NECAB1: variants seen among roughly 807,000 people sequenced by gnomAD.
The protein encoded by NECAB1 is N-terminal EF-hand calcium binding protein 1.
NECAB1 carries 29 observed loss-of-function variants against 57.5 expected under a neutral mutation model. That is an observed-to-expected ratio of 0.50 (90% CI 0.38 to 0.69). The LOEUF (loss-of-function observed/expected upper bound fraction) is 0.69. Ranked by LOEUF, NECAB1 falls within the 30% of genes least tolerant of loss-of-function variation. NECAB1 has a pLI of 0.00. For synonymous variants in NECAB1, 142 were observed against 147.7 expected (o/e 0.96, Z 0.28); for missense variants, 372 against 413.8 (o/e 0.90, Z 0.88).
chr8:90,858,205 T>G (rs953312179), intron 3 of NECAB1, among the ~76,000 whole-genome samples: 1 of 152,190 alleles, frequency 6.6e-6, no homozygotes, highest in African/African-American at 2.4e-5. Flanking sequence ...ATATGAGCAC[T>G]GAGAATGTGA....
At chr8:90,829,558 AG>A (rs1356804244) in intron 3 of NECAB1, among the ~76,000 whole-genome samples, 2 of 152,036 alleles carry the variant, frequency 1.3e-5, no homozygotes, top group Admixed American at 1.3e-4. Flanking sequence ...CATACAGAAA[AG>A]CATCCCAGGG....
intron 5 of NECAB1, among the ~76,000 whole-genome samples, chr8:90,908,462 C>A (rs1586113494): frequency 6.6e-6 from 1 of 152,032 alleles, no homozygotes; most frequent in Admixed American, 6.6e-5. Flanking sequence ...GAGAAGATGG[C>A]ATATAAGAGG....
intron 2 of NECAB1, among the ~76,000 whole-genome samples, chr8:90,816,455 T>G (rs759807342): frequency 6.1e-4 from 93 of 152,004 alleles, no homozygotes; most frequent in Non-Finnish European, 1.1e-3. Flanking sequence ...TAATTTTTAA[T>G]TTTAAATGTA....
In NECAB1 at chr8:90,959,109, G is replaced by C. The variant is rs1054926139; in HGVS notation, c.*3597G>C. On this transcript the variant is annotated 3_prime_UTR_variant, in exon 13 of 13. Coordinates refer to ENST00000417640, the MANE Select transcript of NECAB1 (RefSeq NM_022351.5). Reference sequence around the variant, plus strand: ...TAATTAGTTTATCAAACCAAATACTGTGAACGTACCAGGTGTTTACAGATT... The same window carrying C: ...TAATTAGTTTATCAAACCAAATACTCTGAACGTACCAGGTGTTTACAGATT... 1 of 636,626 alleles carries C rather than the reference G, an allele frequency of 1.6e-6. No individual in the cohort carries two copies. The highest frequency in any genetic ancestry group is 1.9e-5 in the African/African-American group (1 of 52,002). The allele number at this position is 636,626 out of a possible 1,614,324, so 39.4% of individuals were successfully genotyped here.
At chr8:90,873,067 A>C (rs1808647831) in intron 4 of NECAB1, among the ~76,000 whole-genome samples, 1 of 152,220 alleles carries the variant, frequency 6.6e-6, no homozygotes, top group African/African-American at 2.4e-5. Flanking sequence ...GCAACACCAA[A>C]AGATGTTATA....
intron 3 of NECAB1, among the ~76,000 whole-genome samples, chr8:90,834,456 CT>C (rs1460184894): frequency 3.3e-5 from 5 of 152,124 alleles, no homozygotes; most frequent in Non-Finnish European, 4.4e-5. Flanking sequence ...TAAAAGAGCC[CT>C]GAAGGAGCTT....
chr8:90,912,279 T>A (rs1399925632), intron 5 of NECAB1, among the ~76,000 whole-genome samples: 1 of 152,052 alleles, frequency 6.6e-6, no homozygotes, highest in Non-Finnish European at 1.5e-5. Context: ...CTTGTTAGGG[T>A]CTCCTGATAT....
chr8:90,809,510 T>A (rs1435371198), intron 2 of NECAB1, among the ~76,000 whole-genome samples: 1 of 152,240 alleles, frequency 6.6e-6, no homozygotes, highest in African/African-American at 2.4e-5. Context: ...TTGATACTTT[T>A]GGATATATAA....
intron 3 of NECAB1, among the ~76,000 whole-genome samples, chr8:90,848,897 G>T (rs960028970): frequency 1.3e-5 from 2 of 152,132 alleles, no homozygotes; most frequent in Non-Finnish European, 2.9e-5. Context: ...GTTGCAGTGA[G>T]CCAAGATCAC....
At chr8:90,875,229 C>T (rs1798760268) in intron 4 of NECAB1, among the ~76,000 whole-genome samples, 1 of 151,928 alleles carries the variant, frequency 6.6e-6, no homozygotes, top group Non-Finnish European at 1.5e-5. Context: ...CGCCTGTAAT[C>T]CCAGCACTTT....
chr8:90,947,406 C>CT (rs11350840), intron 10 of NECAB1, among the ~76,000 whole-genome samples: 39 of 98,230 alleles, frequency 4.0e-4, no homozygotes, highest in East Asian at 2.4e-3. Flanking sequence ...TTTTTTTTTT[C>CT]TTTTTTTTTT....
At chr8:90,934,140 T>C (rs930011431) in intron 8 of NECAB1, among the ~76,000 whole-genome samples, 164 bp from the exon 9 acceptor site, 1 of 152,202 alleles carries the variant, frequency 6.6e-6, no homozygotes, top group Admixed American at 6.5e-5. Context: ...AGAGTCTTTA[T>C]TGGAACAGCT....
intron 3 of NECAB1, among the ~76,000 whole-genome samples, chr8:90,866,584 T>C (rs1208950831): frequency 3.9e-5 from 6 of 152,312 alleles, no homozygotes; most frequent in Admixed American, 1.3e-4. Flanking sequence ...AATTTTAGTT[T>C]TGAAGCAAAG....
Position 90,955,859 on chromosome 8 carries a change from T to C in NECAB1, c.*347T>C, listed in dbSNP as rs1811021977. 5.1e-6 allele frequency: 1 copy of C among 196,584 alleles called. No individual in the cohort carries two copies. Among genetic ancestry groups the C allele is most frequent in the Non-Finnish European group, 1.0e-5 (1 of 97,530 alleles). 12.2% of individuals were successfully genotyped at this position (196,584 alleles called of 1,614,324 possible). Reference sequence around the variant, plus strand: ...CTGTTATGATAAAGAAAAAATAAAGTGGAAACTTTTAGAGTATTACTTCAT... The same window carrying C: ...CTGTTATGATAAAGAAAAAATAAAGCGGAAACTTTTAGAGTATTACTTCAT... On this transcript the variant is annotated 3_prime_UTR_variant, in exon 13 of 13. Transcript: ENST00000417640.
intron 3 of NECAB1, among the ~76,000 whole-genome samples, chr8:90,844,190 TGA>T (rs1018900990): frequency 1.3e-5 from 2 of 152,172 alleles, no homozygotes; most frequent in African/African-American, 2.4e-5. Context: ...TGCAAAGTCA[TGA>T]GAGAGGAGAG....
At chr8:90,920,730 G>A (rs1244616203) in intron 6 of NECAB1, among the ~76,000 whole-genome samples, 2 of 152,072 alleles carry the variant, frequency 1.3e-5, no homozygotes, top group African/African-American at 2.4e-5. Flanking sequence ...TATTCCCATA[G>A]TGCCCTCTAT....
At chr8:90,915,877 TC>T (rs1407501201) in intron 5 of NECAB1, among the ~76,000 whole-genome samples, 3 of 152,188 alleles carry the variant, frequency 2.0e-5, no homozygotes, top group African/African-American at 2.4e-5. Context: ...GCAGAAAGCA[TC>T]CAGCACAGAA....
chr8:90,853,192 GC>G (rs759031949), intron 3 of NECAB1, among the ~76,000 whole-genome samples: 16 of 152,244 alleles, frequency 1.1e-4, no homozygotes, highest in Non-Finnish European at 2.1e-4. Context: ...GTGGAGTGCA[GC>G]GGGTCTGAGT....
intron 4 of NECAB1, among the ~76,000 whole-genome samples, chr8:90,878,917 C>A (rs10087591): frequency 0.089 from 12,953 of 146,176 alleles, 1,234 homozygotes; most frequent in African/African-American, 0.24. Context: ...CTCTCTCTCT[C>A]TATATATATA....
Sources: gnomAD v4.1 joint callset for allele counts (sites outside exome capture counted in the v4.1 genomes callset) on GRCh38, gnomAD v4.1.1 for gene constraint, MANE v1.5 for transcripts, NCBI Gene and HGNC (gene_info 2026-07-23, HGNC 2026-07-21) for gene names.